ACTR10: variants seen among roughly 807,000 people sequenced by gnomAD.
ACTR10 encodes the protein actin related protein 10, also known as actin-related protein 10.
ACTR10 carries 43 observed loss-of-function variants against 56.2 expected under a neutral mutation model. The observed-to-expected ratio is 0.77, with a 90% CI of 0.60 to 0.99. The LOEUF (loss-of-function observed/expected upper bound fraction) is 0.99. Among genes scored for constraint, ACTR10 ranks in the 50% least tolerant of loss-of-function variants. The pLI, the probability that ACTR10 is intolerant of heterozygous loss-of-function variation, is 0.00. For missense variants in ACTR10, 466 were observed against 507.8 expected, an observed-to-expected ratio of 0.92 and a Z score of 0.79; for synonymous variants, 170 against 176.3, an observed-to-expected ratio of 0.96 and a Z score of 0.28.
chr14:58,220,124 A>G (rs1365476297), intron 8 of ACTR10, among the ~76,000 whole-genome samples: 1 of 152,206 alleles, frequency 6.6e-6, no homozygotes, highest in African/African-American at 2.4e-5. Context: ...TACACAGTAC[A>G]TTGTTTTCAC....
intron 12 of ACTR10, 120 bp downstream of exon 12, chr14:58,232,387 A>C: frequency 1.8e-6 from 1 of 558,086 alleles, no homozygotes; most frequent in South Asian, 3.7e-5. Context: ...TATAAATAGA[A>C]CTAACACTGA....
chr14:58,212,721 G>A (rs1326327108), intron 5 of ACTR10, among the ~76,000 whole-genome samples: 1 of 152,118 alleles, frequency 6.6e-6, no homozygotes, highest in Non-Finnish European at 1.5e-5. Context: ...TGTTTCCAAA[G>A]CTGATGCTCT....
chr14:58,226,207 G>A (rs998935639), intron 10 of ACTR10, among the ~76,000 whole-genome samples: 12 of 152,022 alleles, frequency 7.9e-5, no homozygotes, highest in African/African-American at 2.4e-4. Context: ...TTGAGGTTAC[G>A]GTGATCTATG....
At chr14:58,206,776 A>G (rs1888873797) in intron 2 of ACTR10, among the ~76,000 whole-genome samples, 1 of 152,148 alleles carries the variant, frequency 6.6e-6, no homozygotes, top group East Asian at 1.9e-4. Flanking sequence ...TTTTTATCAC[A>G]CATATTTATG....
intron 7 of ACTR10, among the ~76,000 whole-genome samples, chr14:58,218,000 A>G (rs1889177657): frequency 6.6e-6 from 1 of 152,170 alleles, no homozygotes; most frequent in Non-Finnish European, 1.5e-5. Flanking sequence ...TTTACTTGCA[A>G]AATTTAAATA....
intron 11 of ACTR10, among the ~76,000 whole-genome samples, chr14:58,231,703 T>C (rs1802856459): frequency 6.6e-6 from 1 of 152,194 alleles, no homozygotes; most frequent in African/African-American, 2.4e-5. Flanking sequence ...ATTTCACTTA[T>C]CCCAAAAAAG....
At chr14:58,211,198 G>A (rs2140047940) in intron 4 of ACTR10, 94 bp from the exon 5 acceptor site, 2 of 888,052 alleles carry the variant, frequency 2.3e-6, no homozygotes, top group South Asian at 1.5e-5. Flanking sequence ...TAATGTTCCT[G>A]TGAATTTTTT....
At chr14:58,225,408 A>T (rs1181086908) in intron 10 of ACTR10, among the ~76,000 whole-genome samples, 1 of 142,796 alleles carries the variant, frequency 7.0e-6, no homozygotes. Flanking sequence ...AGGTCAGAAG[A>T]TACACAAAAA....
chr14:58,228,681 CTTT>C (rs35498207), intron 10 of ACTR10, among the ~76,000 whole-genome samples: 556 of 40,400 alleles, frequency 0.014, 5 homozygotes, highest in Non-Finnish European at 0.022. Context: ...GCAAGACAGA[CTTT>C]TTTTTTTTTT....
At chr14:58,208,971 T>G (rs1164015858) in intron 3 of ACTR10, 28 bp from the exon 4 acceptor site, 2 of 1,528,838 alleles carry the variant, frequency 1.3e-6, no homozygotes, top group East Asian at 4.5e-5. Flanking sequence ...AAACTTTTAC[T>G]TTTAAAACCA....
chr14:58,230,381 T>C lies in ACTR10; in HGVS notation c.789-18T>C, dbSNP rs780938098. ...TACGTGACACCAACAGAAAGCTCTC[T>C]TTTTCAAATCCCATTAGAGATTCAG... On this transcript the variant is annotated intron_variant, in intron 10 of 12. Transcript: ENST00000254286. 2.7e-6 allele frequency: 4 copies of C among 1,502,850 alleles called. No homozygotes were observed. 93.1% of individuals were successfully genotyped at this position (1,502,850 alleles called of 1,614,324 possible). A position where few individuals can be genotyped will look rare whatever the true frequency, so the allele number is the denominator to read the frequency against.
At chr14:58,232,398 CTTTTTCTTTTTTT>C (rs1440655074) in intron 12 of ACTR10, 131 bp downstream of exon 12, 105 of 205,054 alleles carry the variant, frequency 5.1e-4, no homozygotes, top group Admixed American at 3.0e-3. Flanking sequence ...CTAACACTGA[CTTTTTCTTTTTTT>C]TTTTTTTTTT....
intron 5 of ACTR10, among the ~76,000 whole-genome samples, chr14:58,212,833 C>T (rs190059510): frequency 3.7e-4 from 56 of 152,166 alleles, no homozygotes; most frequent in Middle Eastern, 3.4e-3. Context: ...TTAGAGTGTT[C>T]TAGGCTGGGT....
At chr14:58,223,386 C>A (rs963389453) in intron 8 of ACTR10, 3 of 431,462 alleles carry the variant, frequency 7.0e-6, no homozygotes, top group African/African-American at 6.2e-5. Flanking sequence ...GATCCGCCTG[C>A]CTCGGCCTCC....
Position 58,234,537 on chromosome 14 carries a change from T to G in ACTR10, c.1240T>G (p.Ser414Ala). 6.2e-7 allele frequency: 1 copy of G among 1,606,968 alleles called. No homozygotes were observed. Among genetic ancestry groups the G allele is most frequent in the South Asian group, 1.1e-5 (1 of 89,392 alleles). Residue 414 changes from serine to alanine, a missense_variant, in exon 13 of 13, where the codon TCC becomes GCC. Coordinates refer to ENST00000254286, the MANE Select transcript of ACTR10 (RefSeq NM_018477.3). ...ACCACCTCTGATGAAGAGAGCATTT[T>G]CCACTGAGAAATAGAAGTTTGATTA... is the stretch of plus-strand genomic sequence containing the variant. ...TQPPLMKRAF[S>A]TEK
chr14:58,218,442 T>TA (rs1199900342), intron 7 of ACTR10, among the ~76,000 whole-genome samples: 33 of 152,320 alleles, frequency 2.2e-4, no homozygotes, highest in Non-Finnish European at 2.9e-5. Context: ...TATGTACTAT[T>TA]GTTACTATAT....
At chr14:58,234,266 T>C in intron 12 of ACTR10, 104 bp from the exon 13 acceptor site, 1 of 990,962 alleles carries the variant, frequency 1.0e-6, no homozygotes, top group Non-Finnish European at 1.4e-6. Flanking sequence ...ATTGCTGAAT[T>C]TTACCAGTCC....
chr14:58,232,892 C>T (rs1205757910), intron 12 of ACTR10, among the ~76,000 whole-genome samples: 5 of 134,462 alleles, frequency 3.7e-5, no homozygotes, highest in Admixed American at 7.8e-5. Context: ...TTTTTTGAGA[C>T]GTTTCATCTT....
At chr14:58,213,449 T>C in intron 5 of ACTR10, 182 bp from the exon 6 acceptor site, 1 of 467,618 alleles carries the variant, frequency 2.1e-6, no homozygotes, top group East Asian at 3.4e-5. Flanking sequence ...TTTTATTCTG[T>C]TTTCTTTGAT....
Sources: allele counts gnomAD v4.1 joint callset (sites outside exome capture counted in the v4.1 genomes callset), GRCh38; gene constraint gnomAD v4.1.1; transcripts MANE v1.5; gene names NCBI Gene and HGNC (gene_info 2026-07-23, HGNC 2026-07-21).